The following TOGARAM2 variants were observed in gnomAD, a reference collection of about 807,000 sequenced individuals.
TOGARAM2 encodes the protein TOG array regulator of axonemal microtubules protein 2.
Under a neutral mutation model 93.3 loss-of-function variants are expected in TOGARAM2, and 85 were observed. That is an observed-to-expected ratio of 0.91 (90% CI 0.76 to 1.09). TOGARAM2 has a LOEUF of 1.09. Among genes scored for constraint, TOGARAM2 ranks in the 50% least tolerant of loss-of-function variants. TOGARAM2 has a pLI of 0.00. For synonymous variants in TOGARAM2, 593 were observed against 552.8 expected (o/e 1.07, Z -1.02); for missense variants, 1,277 against 1,334.5 (o/e 0.96, Z 0.67).
intron 1 of TOGARAM2, among the ~76,000 whole-genome samples, chr2:28,973,294 C>G (rs1671974137): frequency 6.6e-6 from 1 of 152,160 alleles, no homozygotes; most frequent in African/African-American, 2.4e-5. Context: ...CTATGGTTCC[C>G]TTCCTTTATG....
intron 8 of TOGARAM2, among the ~76,000 whole-genome samples, chr2:29,016,896 C>A (rs1412866946): frequency 1.3e-5 from 2 of 152,208 alleles, no homozygotes; most frequent in African/African-American, 2.4e-5. Flanking sequence ...CTCGGGGAGT[C>A]CCTAGGGACC....
At position 28,999,166 on chromosome 2, in the gene TOGARAM2, C is replaced by A. The variant is rs769212350; in HGVS notation, c.140-15C>A. The A allele has an allele frequency of 6.2e-7, 1 of 1,601,638 alleles. No homozygotes were observed. Among genetic ancestry groups the A allele is most frequent in the Non-Finnish European group, 8.5e-7 (1 of 1,173,148 alleles). ...GTACTGCGTGCCAAGCCATTCACAC[C>A]TCTGTCCCCCTCAGGTTCTCTCCAG... is the stretch of plus-strand genomic sequence containing the variant. On this transcript the variant is annotated splice_polypyrimidine_tract_variant and intron_variant, in intron 3 of 19. Coordinates refer to ENST00000379558, the MANE Select transcript of TOGARAM2 (RefSeq NM_199280.4).
At chr2:28,994,997 C>A in intron 2 of TOGARAM2, 135 bp downstream of exon 2, 1 of 1,092,516 alleles carries the variant, frequency 9.2e-7, no homozygotes, top group Non-Finnish European at 1.3e-6. Context: ...GTGGCCGTGC[C>A]TTTCCAGCCC....
chr2:29,043,829 C>T (rs1470374382), intron 18 of TOGARAM2, among the ~76,000 whole-genome samples: 2 of 152,138 alleles, frequency 1.3e-5, no homozygotes, highest in Non-Finnish European at 2.9e-5. Flanking sequence ...CGTTGTGTGT[C>T]TTTGTGAGAA....
At chr2:29,038,176 G>A (rs1666231255) in intron 18 of TOGARAM2, among the ~76,000 whole-genome samples, 1 of 152,136 alleles carries the variant, frequency 6.6e-6, no homozygotes. Context: ...GAGCCTGGGG[G>A]TGGCCTGCTT....
intron 18 of TOGARAM2, among the ~76,000 whole-genome samples, chr2:29,040,165 C>A (rs1346593867): frequency 1.3e-5 from 2 of 152,128 alleles, no homozygotes; most frequent in Non-Finnish European, 2.9e-5. Context: ...CTATTTTTGT[C>A]TATATACAAA....
Position 28,999,209 on chromosome 2 carries a change from G to A in TOGARAM2, c.168G>A (p.Leu56=). The A allele has an allele frequency of 6.2e-7, 1 of 1,613,710 alleles. No homozygotes were observed. Among genetic ancestry groups the A allele is most frequent in the Non-Finnish European group, 8.5e-7 (1 of 1,179,754 alleles). The change falls in exon 4 of 20, where the codon CTG becomes CTA. Residue 56 remains leucine (L), a synonymous_variant. Transcript: ENST00000379558. ...CTCTCCAGCCTGAGCCAAGAGCCCT[G>A]CTGAACAACGAGGAACCGTCACAGC... ...EGSLQPEPRA[L]LNNEEPSQLL...
intron 2 of TOGARAM2, among the ~76,000 whole-genome samples, chr2:28,997,334 T>A (rs1002314800): frequency 6.6e-6 from 1 of 152,238 alleles, no homozygotes; most frequent in Non-Finnish European, 1.5e-5. Flanking sequence ...GAACTTCCCC[T>A]CCTCTTTCCT....
chr2:28,969,969 C>T (rs577181881), intron 1 of TOGARAM2, among the ~76,000 whole-genome samples: 6 of 152,012 alleles, frequency 3.9e-5, no homozygotes, highest in Non-Finnish European at 8.8e-5. Context: ...CACACCACCA[C>T]GCCCGGCTAA....
chr2:29,018,409 A>G lies in TOGARAM2; in HGVS notation c.1360+453A>G, dbSNP rs191840028. 4.1e-3 allele frequency: 634 copies of G among 156,430 alleles called. 16 individuals carry two copies. The highest frequency in any genetic ancestry group is 0.039 in the Admixed American group (608 of 15,410). The allele number at this position is 156,430 out of a possible 1,614,324, so 9.7% of individuals were successfully genotyped here. ...TCCAGAGCTTCTACCAGGGCACCTC[A>G]GGAATCGTGCCTGGGACATGGGGAC... On this transcript the variant is annotated intron_variant, in intron 10 of 19. Transcript: ENST00000379558.
At chr2:28,964,316 C>T (rs1034643521) in intron 1 of TOGARAM2, among the ~76,000 whole-genome samples, 8 of 152,068 alleles carry the variant, frequency 5.3e-5, no homozygotes, top group African/African-American at 1.4e-4. Flanking sequence ...TACCAGGGAA[C>T]GCTTCTTGTT....
At chr2:28,991,630 G>T (rs1033665409) in intron 1 of TOGARAM2, among the ~76,000 whole-genome samples, 3 of 152,212 alleles carry the variant, frequency 2.0e-5, no homozygotes, top group African/African-American at 7.2e-5. Context: ...TGGTGGGTGG[G>T]ATGAGTCTGC....
chr2:28,959,816 G>C (rs148937435), intron 1 of TOGARAM2, among the ~76,000 whole-genome samples: 1 of 152,334 alleles, frequency 6.6e-6, no homozygotes, highest in Non-Finnish European at 1.5e-5. Flanking sequence ...TGTTGATATA[G>C]TCATATGACC....
At chr2:29,006,248 G>C (rs1271671610) in intron 6 of TOGARAM2, among the ~76,000 whole-genome samples, 1 of 148,746 alleles carries the variant, frequency 6.7e-6, no homozygotes, top group South Asian at 2.2e-4. Context: ...TTTGTGGAGT[G>C]TGTGTGCATG....
At chr2:28,961,532 G>A (rs1169984207) in intron 1 of TOGARAM2, among the ~76,000 whole-genome samples, 2 of 151,988 alleles carry the variant, frequency 1.3e-5, no homozygotes, top group Non-Finnish European at 2.9e-5. Context: ...GTAGAGATGG[G>A]GTTTTACCAT....
At chr2:28,965,059 C>A (rs1280031404) in intron 1 of TOGARAM2, among the ~76,000 whole-genome samples, 1 of 152,108 alleles carries the variant, frequency 6.6e-6, no homozygotes, top group African/African-American at 2.4e-5. Context: ...TTTGAGGAAT[C>A]CCCACACCCT....
At chr2:28,971,000 G>T (rs193210947) in intron 1 of TOGARAM2, 1 of 152,176 alleles carries the variant, frequency 6.6e-6, no homozygotes, top group East Asian at 1.9e-4. Flanking sequence ...TCTCCTGCAC[G>T]CCTCTCCTTC....
At chr2:29,016,237 T>G (rs1361287949) in intron 8 of TOGARAM2, among the ~76,000 whole-genome samples, 1 of 152,124 alleles carries the variant, frequency 6.6e-6, no homozygotes, top group Non-Finnish European at 1.5e-5. Flanking sequence ...GAGAGTGAGC[T>G]GCACCTGAGA....
chr2:29,014,475 C>G lies in TOGARAM2; in HGVS notation c.958C>G (p.Pro320Ala). 2 of 1,597,916 alleles carry G rather than the reference C, an allele frequency of 1.3e-6. No individual in the cohort carries two copies. The highest frequency in any genetic ancestry group is 1.7e-6 in the Non-Finnish European group (2 of 1,172,510). Residue 320 changes from proline (P) to alanine (A), a missense_variant, in exon 8 of 20, where the codon CCC becomes GCC. Coordinates refer to ENST00000379558, the MANE Select transcript of TOGARAM2 (RefSeq NM_199280.4). ...TGCCCTGCCTTTTTCTCAGTCTGCT[C>G]CCACGCTGACAGCCTTCTCCTTTGA... ...KPALPFSQSAPTLTAFSFDCA... is the reference protein window; with the variant it reads ...KPALPFSQSAATLTAFSFDCA...
Sources: gnomAD v4.1 joint callset for allele counts (sites outside exome capture counted in the v4.1 genomes callset) on GRCh38, gnomAD v4.1.1 for gene constraint, MANE v1.5 for transcripts, NCBI Gene and HGNC (gene_info 2026-07-23, HGNC 2026-07-21) for gene names.